PIP5K1A: variants seen among roughly 807,000 people sequenced by gnomAD.
PIP5K1A encodes the protein phosphatidylinositol-4-phosphate 5-kinase type 1 alpha, also known as phosphatidylinositol 4-phosphate 5-kinase type-1 alpha.
In PIP5K1A, 46 loss-of-function variants were observed where a neutral mutation model predicts 72.9. The observed-to-expected ratio is 0.63, with a 90% CI of 0.50 to 0.81. PIP5K1A has a LOEUF of 0.81. Ranked by LOEUF, PIP5K1A falls within the 30% of genes least tolerant of loss-of-function variation. The pLI, the probability that PIP5K1A is intolerant of heterozygous loss-of-function variation, is 0.00. For missense variants in PIP5K1A, 458 were observed against 706.1 expected (o/e 0.65, Z 3.98); for synonymous variants, 228 against 255.1 (o/e 0.89, Z 1.01).
chr1:151,201,544 T>C (rs1216676588), intron 1 of PIP5K1A, among the ~76,000 whole-genome samples: 1 of 151,946 alleles, frequency 6.6e-6, no homozygotes, highest in Non-Finnish European at 1.5e-5. Flanking sequence ...TTAGTAGTGA[T>C]GGGGTTTCAT....
intron 6 of PIP5K1A, 57 bp from the exon 7 acceptor site, chr1:151,232,494 G>A: frequency 6.4e-7 from 1 of 1,560,332 alleles, no homozygotes. Context: ...GTTGATTTTT[G>A]TGTTGGGCAA....
chr1:151,238,435 C>G (rs926542159), intron 10 of PIP5K1A, 170 bp downstream of exon 10: 28 of 589,464 alleles, frequency 4.8e-5, no homozygotes, highest in Admixed American at 1.6e-4. Context: ...GATTTTGCCT[C>G]TTTCCCCGGC....
intron 1 of PIP5K1A, among the ~76,000 whole-genome samples, chr1:151,206,372 CT>C (rs1685928534): frequency 6.6e-6 from 1 of 151,984 alleles, no homozygotes. Context: ...TATTATTTAC[CT>C]TGTATACTTA....
chr1:151,219,764 G>C (rs1315240026), intron 1 of PIP5K1A, among the ~76,000 whole-genome samples: 1 of 151,956 alleles, frequency 6.6e-6, no homozygotes, highest in Non-Finnish European at 1.5e-5. Flanking sequence ...CGTACTTTGG[G>C]AGGCTGAGGT....
At position 151,198,712 on chromosome 1, in the gene PIP5K1A, C is replaced by T. The variant is rs1684775151; in HGVS notation, c.-285C>T. On this transcript the variant is annotated 5_prime_UTR_variant, in exon 1 of 16. Transcript: ENST00000368888. ...CTGGGCGCAAGGTCCCAGCAGCCAGCTTAAGCTTACTCTTCTGTGAAAGGG... is the reference window on the plus strand; with the variant it reads ...CTGGGCGCAAGGTCCCAGCAGCCAGTTTAAGCTTACTCTTCTGTGAAAGGG... The T allele has an allele frequency of 2.0e-6, 1 of 496,294 alleles. No homozygotes were observed. The highest frequency in any genetic ancestry group is 5.5e-4 in the Middle Eastern group (1 of 1,826). The allele number at this position is 496,294 out of a possible 1,614,324, so 30.7% of individuals were successfully genotyped here.
chr1:151,201,421 C>T (rs995897100), intron 1 of PIP5K1A, among the ~76,000 whole-genome samples: 4 of 151,844 alleles, frequency 2.6e-5, no homozygotes, highest in African/African-American at 9.7e-5. Context: ...GCCATCTTGG[C>T]TTACTGCAAC....
chr1:151,203,577 G>A (rs1010443218), intron 1 of PIP5K1A, among the ~76,000 whole-genome samples: 12 of 151,068 alleles, frequency 7.9e-5, no homozygotes, highest in Non-Finnish European at 1.8e-4. Context: ...TGTAATCCCA[G>A]CACTTTGGGA....
At chr1:151,211,508 T>C (rs1686785545) in intron 1 of PIP5K1A, among the ~76,000 whole-genome samples, 1 of 150,810 alleles carries the variant, frequency 6.6e-6, no homozygotes, top group South Asian at 2.1e-4. Context: ...TTAAAAGATA[T>C]TTTGTTGGCC....
intron 3 of PIP5K1A, 119 bp downstream of exon 3, chr1:151,224,525 C>A: frequency 2.6e-6 from 2 of 765,890 alleles, no homozygotes; most frequent in Admixed American, 2.1e-5. Context: ...AAAGTAAATA[C>A]TGTACCTAAG....
chr1:151,197,547 G>A (rs1449281494), upstream of PIP5K1A, among the ~76,000 whole-genome samples: 1 of 152,182 alleles, frequency 6.6e-6, no homozygotes, highest in Non-Finnish European at 1.5e-5. Context: ...CCAGAGTGCT[G>A]GGATTACAGG....
At chr1:151,242,319 C>T (rs1415663933) in intron 13 of PIP5K1A, 50 bp downstream of exon 13, 2 of 1,605,840 alleles carry the variant, frequency 1.2e-6, no homozygotes, top group African/African-American at 2.7e-5. Flanking sequence ...CCCTCCCTTC[C>T]TTCTGAGCCT....
At chr1:151,202,568 G>C (rs963082281) in intron 1 of PIP5K1A, among the ~76,000 whole-genome samples, 4 of 151,998 alleles carry the variant, frequency 2.6e-5, no homozygotes, top group Non-Finnish European at 5.9e-5. Context: ...AGCCTCCCGG[G>C]TTCAAGCGAG....
At position 151,220,663 on chromosome 1, in the gene PIP5K1A, C is replaced by T. The variant is rs151218617; in HGVS notation, c.86-3582C>T. Among the ~76,000 whole-genome samples the T allele has an allele frequency of 7.3e-3, 1,115 of 152,198 alleles. 14 individuals are homozygous for T. The highest frequency in any genetic ancestry group is 0.025 in the African/African-American group (1,037 of 41,528). ...TGTGTTTTTAGTAGAGATGGGGTTTCGCCATGTTGGCAAGGCTGGTCTCGA... is the reference window on the plus strand; with the variant it reads ...TGTGTTTTTAGTAGAGATGGGGTTTTGCCATGTTGGCAAGGCTGGTCTCGA... On this transcript the variant is annotated intron_variant, in intron 1 of 15. Transcript: ENST00000368888.
chr1:151,226,524 C>T (rs1170346799), intron 3 of PIP5K1A, among the ~76,000 whole-genome samples: 2 of 151,436 alleles, frequency 1.3e-5, no homozygotes, highest in Non-Finnish European at 2.9e-5. Context: ...CTAGCCTGGT[C>T]AACATGTTGA....
intron 1 of PIP5K1A, among the ~76,000 whole-genome samples, chr1:151,210,594 A>G (rs752013471): frequency 5.3e-5 from 8 of 151,694 alleles, no homozygotes; most frequent in Non-Finnish European, 1.0e-4. Flanking sequence ...ACATACATAT[A>G]TATTTTTTGA....
chr1:151,239,124 T>C lies in PIP5K1A; in HGVS notation c.1230-6T>C. 1 of 1,607,664 alleles carries C rather than the reference T, an allele frequency of 6.2e-7. No homozygotes were observed. The highest frequency in any genetic ancestry group is 8.5e-7 in the Non-Finnish European group (1 of 1,174,382). The stretch of plus-strand genomic sequence containing the variant: ...CGTGAGTAGGTGATGTACATTTTTC[T>C]TGCAGGTTTGTTAAGAAGTTGGAGC... On this transcript the variant is annotated splice_polypyrimidine_tract_variant and splice_region_variant and intron_variant, in intron 10 of 15. Transcript: ENST00000368888.
At chr1:151,237,442 CT>C (rs1250151880) in intron 9 of PIP5K1A, among the ~76,000 whole-genome samples, 7 of 152,188 alleles carry the variant, frequency 4.6e-5, no homozygotes, top group Non-Finnish European at 5.9e-5. Flanking sequence ...AGGCGGATCA[CT>C]TGAGTCCAGG....
chr1:151,205,204 C>A (rs1045331184), intron 1 of PIP5K1A, among the ~76,000 whole-genome samples: 7 of 152,066 alleles, frequency 4.6e-5, no homozygotes. Context: ...CTTGCTCTGT[C>A]GCCCAGGCTA....
intron 1 of PIP5K1A, among the ~76,000 whole-genome samples, chr1:151,199,807 G>A (rs1684956966): frequency 6.6e-6 from 1 of 152,112 alleles, no homozygotes; most frequent in Non-Finnish European, 1.5e-5. Flanking sequence ...ATATCGAAAA[G>A]TTATTGGACG....
Sources: allele counts gnomAD v4.1 joint callset (sites outside exome capture counted in the v4.1 genomes callset), GRCh38; gene constraint gnomAD v4.1.1; transcripts MANE v1.5; gene names NCBI Gene and HGNC (gene_info 2026-07-23, HGNC 2026-07-21).